The following PDE1A variants were observed in gnomAD, a reference collection of about 807,000 sequenced individuals.
PDE1A encodes dual specificity calcium/calmodulin-dependent 3',5'-cyclic nucleotide phosphodiesterase 1A.
Under a neutral mutation model 61.7 loss-of-function variants are expected in PDE1A, and 35 were observed. The observed-to-expected ratio is 0.57, with a 90% confidence interval of 0.43 to 0.75. The LOEUF is 0.75. PDE1A is among the 30% of genes least tolerant of loss of function. The pLI, the probability that PDE1A is intolerant of heterozygous loss-of-function variation, is 0.00. For missense variants in PDE1A, 597 were observed against 630.6 expected (o/e 0.95, Z 0.57); for synonymous variants, 232 against 213.2 (o/e 1.09, Z -0.77).
chr2:182,239,570 G>C (rs1366065472), intron 3 of PDE1A, among the ~76,000 whole-genome samples: 5 of 151,218 alleles, frequency 3.3e-5, no homozygotes, highest in Admixed American at 6.6e-5. Flanking sequence ...GCGTTTCTAG[G>C]GGCCATCAAA....
intron 2 of PDE1A, among the ~76,000 whole-genome samples, chr2:182,468,811 T>C (rs1686838252): frequency 6.6e-6 from 1 of 152,038 alleles, no homozygotes; most frequent in Non-Finnish European, 1.5e-5. Flanking sequence ...ATGGATGTTG[T>C]ATGAGCAGGC....
chr2:182,605,590 A>G, the PDE1A span, among the ~76,000 whole-genome samples: 1 of 152,242 alleles, frequency 6.6e-6, no homozygotes, highest in Non-Finnish European at 1.5e-5. Context: ...TCATTAAGAC[A>G]TTTAAGTTTG....
intron 13 of PDE1A, among the ~76,000 whole-genome samples, chr2:182,175,442 G>T (rs1692651806): frequency 6.7e-6 from 1 of 150,212 alleles, no homozygotes; most frequent in African/African-American, 2.5e-5. Flanking sequence ...CAGTGATGGT[G>T]AGCATTTTTT....
intron 1 of PDE1A, among the ~76,000 whole-genome samples, chr2:182,346,007 C>CACAT (rs1698498587): frequency 6.6e-6 from 1 of 152,068 alleles, no homozygotes; most frequent in Non-Finnish European, 1.5e-5. Flanking sequence ...GGGTATCAGA[C>CACAT]ACATATATAG....
At chr2:182,294,538 T>C (rs564793724) in intron 1 of PDE1A, among the ~76,000 whole-genome samples, 1 of 152,128 alleles carries the variant, frequency 6.6e-6, no homozygotes, top group Non-Finnish European at 1.5e-5. Flanking sequence ...ACAATGCTGC[T>C]CACACATTCT....
At chr2:182,694,825 T>TGG in the PDE1A span, among the ~76,000 whole-genome samples, 113 of 54,068 alleles carry the variant, frequency 2.1e-3, 4 homozygotes, top group Middle Eastern at 0.017. Flanking sequence ...AAAAAAAAGG[T>TGG]GGGGGGGGGG....
intron 13 of PDE1A, among the ~76,000 whole-genome samples, chr2:182,178,984 A>G (rs950331516): frequency 3.9e-5 from 6 of 152,164 alleles, no homozygotes; most frequent in Non-Finnish European, 8.8e-5. Context: ...ATACCACAAC[A>G]TTAGTCCCCA....
chr2:182,207,645 G>A (rs1004857791), intron 7 of PDE1A, among the ~76,000 whole-genome samples: 1 of 152,336 alleles, frequency 6.6e-6, no homozygotes, highest in South Asian at 2.1e-4. Context: ...ATTCAAGGCT[G>A]CAAAAATTTG....
the PDE1A span, among the ~76,000 whole-genome samples, chr2:182,549,954 A>G: frequency 6.6e-6 from 1 of 152,210 alleles, no homozygotes; most frequent in Non-Finnish European, 1.5e-5. Flanking sequence ...TGTCTTACTT[A>G]GCTTTTCCCT....
Position 182,179,532 on chromosome 2 carries a change from G to C in PDE1A, c.1516+6360C>G, listed in dbSNP as rs561229172. Among the ~76,000 whole-genome samples the C allele has an allele frequency of 3.3e-5, 5 of 152,164 alleles. No homozygotes were observed. In the South Asian group the frequency reaches 1.0e-3, roughly 32 times the overall value. ...CAAAACAATAATTAGCTCATGGGTG[G>C]GAGAGAAGGAAATAAATGATTAGAG... On this transcript the variant is annotated intron_variant, in intron 13 of 13. Transcript: ENST00000351439.
chr2:182,498,257 T>C (rs1234258451), intron 2 of PDE1A, among the ~76,000 whole-genome samples: 1 of 151,940 alleles, frequency 6.6e-6, no homozygotes, highest in African/African-American at 2.4e-5. Flanking sequence ...AGAGAAAAAG[T>C]CTATTCATAT....
the PDE1A span, among the ~76,000 whole-genome samples, chr2:182,567,959 A>G: frequency 6.6e-6 from 1 of 151,520 alleles, no homozygotes; most frequent in African/African-American, 2.4e-5. Flanking sequence ...CGCCCGGCTA[A>G]TTTTTGTATT....
At chr2:182,225,262 A>C (rs775375314) in intron 6 of PDE1A, among the ~76,000 whole-genome samples, 29 of 151,980 alleles carry the variant, frequency 1.9e-4, no homozygotes, top group Non-Finnish European at 3.2e-4. Context: ...AATCAAGTGA[A>C]GTGTAACTGA....
intron 13 of PDE1A, among the ~76,000 whole-genome samples, chr2:182,184,333 A>T (rs1368444346): frequency 6.6e-6 from 1 of 152,128 alleles, no homozygotes; most frequent in Non-Finnish European, 1.5e-5. Context: ...AAACAGAAAG[A>T]AAAAGATAAT....
chr2:182,412,371 T>C (rs560239694), intron 1 of PDE1A, among the ~76,000 whole-genome samples: 1 of 152,306 alleles, frequency 6.6e-6, no homozygotes, highest in East Asian at 1.9e-4. Context: ...TAGAGCATAG[T>C]TGCTGAAATC....
intron 10 of PDE1A, among the ~76,000 whole-genome samples, chr2:182,195,256 A>G (rs1311027693): frequency 6.6e-6 from 1 of 152,094 alleles, no homozygotes; most frequent in East Asian, 1.9e-4. Flanking sequence ...CTTAAAATAG[A>G]CTAGCAGGAT....
chr2:182,472,149 G>T (rs1430165737), intron 2 of PDE1A, among the ~76,000 whole-genome samples: 2 of 151,902 alleles, frequency 1.3e-5, no homozygotes, highest in Non-Finnish European at 2.9e-5. Context: ...ACAGTATGGA[G>T]ATTTCTCAAA....
chr2:182,470,537 A>C (rs1331449206), intron 2 of PDE1A, among the ~76,000 whole-genome samples: 2 of 151,868 alleles, frequency 1.3e-5, no homozygotes, highest in Non-Finnish European at 2.9e-5. Context: ...GAGAAATAGG[A>C]AATTTCAATA....
chr2:182,389,158 C>A (rs975086019), intron 1 of PDE1A, among the ~76,000 whole-genome samples: 1 of 152,102 alleles, frequency 6.6e-6, no homozygotes, highest in African/African-American at 2.4e-5. Flanking sequence ...CCCTAAAGAA[C>A]TGAGAATCTT....
Sources: allele counts gnomAD v4.1 joint callset (sites outside exome capture counted in the v4.1 genomes callset), GRCh38; gene constraint gnomAD v4.1.1; transcripts MANE v1.5; gene names NCBI Gene and HGNC (gene_info 2026-07-23, HGNC 2026-07-21).